Variants in ARMH4 observed in about 807,000 individuals in gnomAD.
ARMH4 encodes armadillo-like helical domain-containing protein 4.
Under a neutral mutation model 61.9 loss-of-function variants are expected in ARMH4, and 49 were observed. The ratio of observed to expected loss-of-function variants is 0.79; its 90% CI spans 0.63 to 1.00. ARMH4 has a LOEUF of 1.00. Among genes scored for constraint, ARMH4 ranks in the 50% least tolerant of loss-of-function variants. ARMH4 has a pLI of 0.00. For missense variants in ARMH4, 934 were observed against 930.0 expected (o/e 1.00, Z -0.06); for synonymous variants, 368 against 341.5 (o/e 1.08, Z -0.85).
chr14:58,081,506 T>TG (rs1885224119), intron 5 of ARMH4, among the ~76,000 whole-genome samples: 1 of 145,482 alleles, frequency 6.9e-6, no homozygotes, highest in East Asian at 2.0e-4. Flanking sequence ...GTTCATATCT[T>TG]TTTTTTTTTT....
At position 58,005,030 on chromosome 14, in the gene ARMH4, C is replaced by T; in HGVS notation, c.2256+18G>A. The T allele has an allele frequency of 6.2e-7, 1 of 1,613,766 alleles. No individual in the cohort carries two copies. The highest frequency in any genetic ancestry group is 2.2e-5 in the East Asian group (1 of 44,888). ...ATGTTCTGAAACTGATTAGGTTTTG[C>T]TGTTGTTGGTTCCATACCTTTCTTT... is the stretch of plus-strand genomic sequence containing the variant. On this transcript the variant is annotated intron_variant, in intron 7 of 7. Coordinates refer to ENST00000267485, the MANE Select transcript of ARMH4 (RefSeq NM_001001872.4).
intron 5 of ARMH4, among the ~76,000 whole-genome samples, chr14:58,013,668 G>A (rs1159729289): frequency 6.6e-6 from 1 of 152,098 alleles, no homozygotes; most frequent in Non-Finnish European, 1.5e-5. Flanking sequence ...AGTCAGGTCA[G>A]ATTATGCTCA....
At chr14:58,067,547 C>A (rs193107010) in intron 5 of ARMH4, among the ~76,000 whole-genome samples, 3 of 152,286 alleles carry the variant, frequency 2.0e-5, no homozygotes, top group Admixed American at 2.0e-4. Flanking sequence ...GAGATGGTAG[C>A]AAGACATTTG....
intron 5 of ARMH4, among the ~76,000 whole-genome samples, chr14:58,039,719 AG>A (rs778172925): frequency 1.3e-5 from 2 of 152,202 alleles, no homozygotes; most frequent in Non-Finnish European, 2.9e-5. Flanking sequence ...TTAACCTACT[AG>A]AATTTCCTGC....
chr14:58,100,789 C>G (rs1239307402), intron 4 of ARMH4, among the ~76,000 whole-genome samples: 1 of 152,084 alleles, frequency 6.6e-6, no homozygotes, highest in Non-Finnish European at 1.5e-5. Flanking sequence ...ATCACAGCTT[C>G]ACAATGTAGC....
chr14:58,042,869 C>T (rs971533250), intron 5 of ARMH4, among the ~76,000 whole-genome samples: 1 of 152,170 alleles, frequency 6.6e-6, no homozygotes, highest in African/African-American at 2.4e-5. Flanking sequence ...TTCCTAGACA[C>T]ATACACTCTC....
At chr14:58,071,893 C>T (rs183492259) in intron 5 of ARMH4, among the ~76,000 whole-genome samples, 100 of 152,172 alleles carry the variant, frequency 6.6e-4, no homozygotes, top group Non-Finnish European at 1.2e-3. Flanking sequence ...AGAACCTGTG[C>T]GAATGTCGGA....
intron 5 of ARMH4, among the ~76,000 whole-genome samples, chr14:58,075,972 T>C (rs1330352367): frequency 6.6e-6 from 1 of 150,906 alleles, no homozygotes; most frequent in East Asian, 1.9e-4. Flanking sequence ...CTGGTACTTA[T>C]TAAAAACACA....
At chr14:58,069,868 T>A (rs1410487551) in intron 5 of ARMH4, among the ~76,000 whole-genome samples, 3 of 152,064 alleles carry the variant, frequency 2.0e-5, no homozygotes, top group African/African-American at 4.8e-5. Context: ...TTCAGTGGAG[T>A]TGCTGATACT....
At chr14:58,039,713 C>G (rs1397588975) in intron 5 of ARMH4, among the ~76,000 whole-genome samples, 1 of 152,160 alleles carries the variant, frequency 6.6e-6, no homozygotes, top group Non-Finnish European at 1.5e-5. Context: ...ACAAAGTTAA[C>G]CTACTAGAAT....
chr14:58,031,737 CAG>C lies in ARMH4; in HGVS notation c.2090-19589_2090-19588del, dbSNP rs1167005662. ...GAAATTCAGGGCCCAGTCATTCTCA[CAG>C]AGTCAGAAAGAAATCTTCAACAGAA... is the stretch of plus-strand genomic sequence containing the variant. On this transcript the variant is annotated intron_variant, in intron 5 of 7. Coordinates refer to ENST00000267485, the MANE Select transcript of ARMH4 (RefSeq NM_001001872.4). Among the ~76,000 whole-genome samples the C allele has an allele frequency of 9.2e-4, 140 of 152,192 alleles. 1 individual carries two copies. Among genetic ancestry groups the C allele is most frequent in the Admixed American group, 9.0e-3 (138 of 15,282 alleles).
chr14:58,030,548 T>C (rs1883192595), intron 5 of ARMH4, among the ~76,000 whole-genome samples: 1 of 152,214 alleles, frequency 6.6e-6, no homozygotes, highest in African/African-American at 2.4e-5. Flanking sequence ...ATTCATAATG[T>C]CATCAGCACC....
chr14:58,047,565 C>CA (rs1396666751), intron 5 of ARMH4, among the ~76,000 whole-genome samples: 1 of 152,122 alleles, frequency 6.6e-6, no homozygotes, highest in South Asian at 2.1e-4. Flanking sequence ...ACTTCTTGCC[C>CA]AAAATCACAC....
chr14:58,032,761 T>C (rs1883299599), intron 5 of ARMH4, among the ~76,000 whole-genome samples: 1 of 152,068 alleles, frequency 6.6e-6, no homozygotes, highest in Non-Finnish European at 1.5e-5. Flanking sequence ...GGTCAGGGAG[T>C]TCCCTTTCCG....
chr14:58,140,414 CTG>C (rs1323919297), intron 1 of ARMH4, among the ~76,000 whole-genome samples: 3 of 145,654 alleles, frequency 2.1e-5, no homozygotes, highest in Admixed American at 6.8e-5. Context: ...AACCCCATCT[CTG>C]ATAAAAATAC....
chr14:58,041,544 C>A (rs1222246617), intron 5 of ARMH4, among the ~76,000 whole-genome samples: 1 of 152,112 alleles, frequency 6.6e-6, no homozygotes, highest in East Asian at 1.9e-4. Context: ...AACTAACAAG[C>A]AAAATAACCA....
At chr14:58,070,468 A>G (rs1242956376) in intron 5 of ARMH4, among the ~76,000 whole-genome samples, 1 of 152,234 alleles carries the variant, frequency 6.6e-6, no homozygotes, top group African/African-American at 2.4e-5. Flanking sequence ...GGCTAGAGCA[A>G]TAAGAAGTTT....
intron 4 of ARMH4, among the ~76,000 whole-genome samples, chr14:58,109,846 TCA>T (rs1356179095): frequency 6.6e-6 from 1 of 152,132 alleles, no homozygotes; most frequent in Non-Finnish European, 1.5e-5. Flanking sequence ...TTTAATTGAC[TCA>T]CAGTACTGCA....
chr14:58,129,481 C>T (rs1038510166), intron 4 of ARMH4, among the ~76,000 whole-genome samples: 6 of 152,128 alleles, frequency 3.9e-5, no homozygotes, highest in African/African-American at 7.2e-5. Flanking sequence ...GCTAACCTGA[C>T]GTAAGTAATA....
Sources: gnomAD v4.1 joint callset for allele counts (sites outside exome capture counted in the v4.1 genomes callset) on GRCh38, gnomAD v4.1.1 for gene constraint, MANE v1.5 for transcripts, NCBI Gene and HGNC (gene_info 2026-07-23, HGNC 2026-07-21) for gene names.